Variants in ORC4 observed in about 807,000 individuals in gnomAD.
ORC4 encodes the protein origin recognition complex subunit 4, also known as origin recognition complex, subunit 4 homolog.
A neutral mutation model predicts 63.9 loss-of-function variants in ORC4; 55 were observed. That is an observed-to-expected ratio of 0.86 (90% CI 0.69 to 1.08). The LOEUF (loss-of-function observed/expected upper bound fraction) is 1.08, where lower values mean the gene tolerates loss of function less well. ORC4 is among the 50% of genes least tolerant of loss of function. The probability of loss-of-function intolerance (pLI) is 0.00; values close to 1 mark genes in which losing one functional copy is unlikely to be tolerated. For missense variants in ORC4, 511 were observed against 504.4 expected (o/e 1.01, Z -0.13); for synonymous variants, 150 against 168.5 (o/e 0.89, Z 0.85).
At chr2:147,986,790 T>TACACACACAC (rs70992183) in intron 1 of ORC4, among the ~76,000 whole-genome samples, 5,198 of 148,604 alleles carry the variant, frequency 0.035, 111 homozygotes, top group East Asian at 0.063. Context: ...CACACACACA[T>TACACACACAC]ACACACACAC....
At chr2:147,959,162 C>G (rs892279322) in intron 4 of ORC4, among the ~76,000 whole-genome samples, 2 of 151,982 alleles carry the variant, frequency 1.3e-5, no homozygotes, top group African/African-American at 4.8e-5. Context: ...TCACATTAAA[C>G]ATGTGACATG....
chr2:148,021,477 GC>G, upstream of ORC4: 1 of 578,708 alleles, frequency 1.7e-6, no homozygotes, highest in Non-Finnish European at 3.3e-6. Flanking sequence ...TGCTGCTGCT[GC>G]TGTTGCTGCT....
chr2:148,016,520 C>T (rs554995621), intron 1 of ORC4, among the ~76,000 whole-genome samples: 17 of 152,304 alleles, frequency 1.1e-4, no homozygotes, highest in Non-Finnish European at 1.5e-4. Context: ...AAAAGTTGAA[C>T]GAACTGGGCT....
chr2:147,961,723 T>C (rs1190380967), intron 4 of ORC4, among the ~76,000 whole-genome samples: 1 of 152,136 alleles, frequency 6.6e-6, no homozygotes, highest in African/African-American at 2.4e-5. Flanking sequence ...GGCACCACAA[T>C]AGGGCTCTGG....
rs1034327193 is a variant in ORC4, at chr2:147,947,938, T to C, written c.762+113A>G. 3.6e-6 allele frequency: 3 copies of C among 831,788 alleles called. No homozygotes were observed. In the African/African-American group the frequency reaches 5.1e-5, roughly 14 times the overall value. 51.5% of individuals were successfully genotyped at this position (831,788 alleles called of 1,614,324 possible). ...TATAATTTGTATTACTGCAGCATTA[T>C]CCTTCAGCAATATTAGAAACTTTGT... is the stretch of plus-strand genomic sequence containing the variant. On this transcript the variant is annotated intron_variant, in intron 9 of 13. Coordinates refer to ENST00000392857, the MANE Select transcript of ORC4 (RefSeq NM_181741.4).
chr2:147,982,241 C>T (rs1329729449), intron 1 of ORC4, among the ~76,000 whole-genome samples: 1 of 152,054 alleles, frequency 6.6e-6, no homozygotes, highest in Non-Finnish European at 1.5e-5. Flanking sequence ...TTTTCCTAAT[C>T]AGTGTTATGA....
chr2:148,014,052 T>A (rs1175429664), intron 1 of ORC4, among the ~76,000 whole-genome samples: 1 of 151,984 alleles, frequency 6.6e-6, no homozygotes, highest in Non-Finnish European at 1.5e-5. Flanking sequence ...GGTAAAAAAA[T>A]CAAAGCACAA....
At chr2:147,991,245 A>C (rs1402134930) in intron 1 of ORC4, among the ~76,000 whole-genome samples, 9 of 151,798 alleles carry the variant, frequency 5.9e-5, no homozygotes, top group Non-Finnish European at 1.3e-4. Flanking sequence ...ATGGGGTTTC[A>C]CCATATTGGC....
At chr2:147,944,770 G>A (rs16828042) in intron 9 of ORC4, among the ~76,000 whole-genome samples, 2,278 of 149,648 alleles carry the variant, frequency 0.015, 28 homozygotes, top group Middle Eastern at 0.046. Flanking sequence ...TCTTTACTTT[G>A]TCCACTCTAA....
intron 1 of ORC4, among the ~76,000 whole-genome samples, chr2:147,985,049 T>C (rs1691114525): frequency 6.6e-6 from 1 of 152,210 alleles, no homozygotes; most frequent in African/African-American, 2.4e-5. Context: ...TGAGTACTTA[T>C]AACTCTTCTT....
chr2:147,954,261 T>C (rs1394702706), intron 7 of ORC4, among the ~76,000 whole-genome samples: 2 of 151,920 alleles, frequency 1.3e-5, no homozygotes, highest in Non-Finnish European at 2.9e-5. Context: ...CCACAATAGG[T>C]CAAAGACCCA....
chr2:147,993,032 G>A (rs985889590), intron 1 of ORC4, among the ~76,000 whole-genome samples: 1 of 152,192 alleles, frequency 6.6e-6, no homozygotes, highest in Non-Finnish European at 1.5e-5. Flanking sequence ...AGGAAAGAAT[G>A]CTGCACAGAG....
intron 2 of ORC4, among the ~76,000 whole-genome samples, chr2:147,974,262 G>C (rs1025433657): frequency 1.3e-5 from 2 of 152,126 alleles, no homozygotes; most frequent in African/African-American, 4.8e-5. Flanking sequence ...ATTTTAAAAG[G>C]TTAAGTCTGT....
At chr2:147,984,986 T>C (rs968626508) in intron 1 of ORC4, among the ~76,000 whole-genome samples, 14 of 152,174 alleles carry the variant, frequency 9.2e-5, no homozygotes, top group African/African-American at 3.4e-4. Flanking sequence ...GGGTTGCTTG[T>C]TGATAAATTC....
In ORC4 at chr2:147,972,749, C is replaced by G; in HGVS notation, c.215G>C (p.Gly72Ala). ...SVLIIGPRGS[G>A]KTMLINHALK... ...ATCAACAGCTTTTACCATAGTTTTT[C>G]CTGATCCTCGGGGTCCGATAATAAG... Residue 72 changes from glycine (G) to alanine (A), a missense_variant, in exon 4 of 14, where the codon GGA (glycine) becomes GCA (alanine). Gly to Ala is a moderately conservative substitution (Grantham distance 60). Transcript: ENST00000392857. 1 of 1,606,460 alleles carries G rather than the reference C, an allele frequency of 6.2e-7. No individual in the cohort carries two copies. Among genetic ancestry groups the G allele is most frequent in the Non-Finnish European group, 8.5e-7 (1 of 1,174,322 alleles).
intron 1 of ORC4, among the ~76,000 whole-genome samples, chr2:148,010,091 G>A (rs540214943): frequency 2.0e-5 from 3 of 152,176 alleles, no homozygotes; most frequent in South Asian, 4.1e-4. Flanking sequence ...TAAACAATAC[G>A]TGCCTGAACA....
At chr2:147,975,546 A>C (rs1249777577) in intron 2 of ORC4, among the ~76,000 whole-genome samples, 1 of 152,084 alleles carries the variant, frequency 6.6e-6, no homozygotes. Context: ...AGAAAAAAGT[A>C]AAAGCTAGAA....
At chr2:147,969,744 C>A (rs565078779) in intron 4 of ORC4, among the ~76,000 whole-genome samples, 7 of 151,506 alleles carry the variant, frequency 4.6e-5, no homozygotes, top group Admixed American at 6.6e-5. Flanking sequence ...AAAGAATATT[C>A]AAAAATAAAA....
chr2:147,970,066 A>G (rs182228508), intron 4 of ORC4, among the ~76,000 whole-genome samples: 9 of 152,278 alleles, frequency 5.9e-5, no homozygotes, highest in Admixed American at 2.0e-4. Context: ...ATCTACTAGC[A>G]ATGAAGACTT....
Sources: gnomAD v4.1 joint callset for allele counts (sites outside exome capture counted in the v4.1 genomes callset) on GRCh38, gnomAD v4.1.1 for gene constraint, MANE v1.5 for transcripts, NCBI Gene and HGNC (gene_info 2026-07-23, HGNC 2026-07-21) for gene names.